The following GAB2 variants were observed in gnomAD, a reference collection of about 807,000 sequenced individuals.
The protein encoded by GAB2 is GRB2 associated binding protein 2, also known as GRB2-associated-binding protein 2.
In GAB2, 26 loss-of-function variants were observed where a neutral mutation model predicts 65.5. The observed-to-expected ratio is 0.40, with a 90% CI of 0.29 to 0.55. The LOEUF (loss-of-function observed/expected upper bound fraction) is 0.55, where lower values mean the gene tolerates loss of function less well. Ranked by LOEUF, GAB2 falls within the 20% of genes least tolerant of loss-of-function variation. The pLI is 0.53. For missense variants in GAB2, 884 were observed against 875.8 expected (o/e 1.01, Z -0.12); for synonymous variants, 321 against 329.6 (o/e 0.97, Z 0.28).
intron 1 of GAB2, among the ~76,000 whole-genome samples, chr11:78,359,869 A>C (rs1490816599): frequency 3.3e-5 from 5 of 152,196 alleles, no homozygotes; most frequent in African/African-American, 1.2e-4. Flanking sequence ...GAACCTGTGA[A>C]TATTACCTTA....
intron 1 of GAB2, among the ~76,000 whole-genome samples, chr11:78,334,594 T>C (rs1475234012): frequency 6.6e-6 from 1 of 152,238 alleles, no homozygotes; most frequent in African/African-American, 2.4e-5. Flanking sequence ...GATCTCATTC[T>C]TTTTATGGCT....
intron 1 of GAB2, among the ~76,000 whole-genome samples, chr11:78,297,425 A>T (rs1295460549): frequency 6.6e-6 from 1 of 152,178 alleles, no homozygotes; most frequent in Non-Finnish European, 1.5e-5. Context: ...GGAAAAAAGT[A>T]CAAATTCATG....
At chr11:78,226,434 CCTCT>C (rs779588383) in intron 4 of GAB2, 27 bp downstream of exon 4, 21 of 1,531,922 alleles carry the variant, frequency 1.4e-5, no homozygotes, top group Admixed American at 3.3e-5. Flanking sequence ...CCTCCTCCTC[CCTCT>C]GAGTCTCAGC....
rs558172594 is a variant in GAB2, at chr11:78,247,893, T to C, written c.620+2264A>G. Among the ~76,000 whole-genome samples, 7 of 152,332 alleles carry C rather than the reference T, an allele frequency of 4.6e-5. No individual in the cohort carries two copies. In the South Asian group the frequency reaches 1.4e-3, roughly 32 times the overall value. ...TTCTCCAAAAGTCTCCCTGAGATCC[T>C]GCTCATTACCCTCTCATTCCCTCAT... On this transcript the variant is annotated intron_variant, in intron 3 of 9. Transcript: ENST00000361507.
intron 1 of GAB2, among the ~76,000 whole-genome samples, chr11:78,401,606 T>C (rs1420650540): frequency 6.6e-6 from 1 of 151,988 alleles, no homozygotes; most frequent in Non-Finnish European, 1.5e-5. Context: ...AGCATGTCCA[T>C]GTATTAAAGT....
intron 2 of GAB2, among the ~76,000 whole-genome samples, chr11:78,266,308 G>A (rs1282506644): frequency 6.7e-6 from 1 of 150,126 alleles, no homozygotes; most frequent in Non-Finnish European, 1.5e-5. Context: ...AATAAGACGC[G>A]TCCTTACCCT....
intron 1 of GAB2, among the ~76,000 whole-genome samples, chr11:78,367,821 C>CT (rs569887849): frequency 0.034 from 3,905 of 116,050 alleles, 143 homozygotes; most frequent in African/African-American, 0.063. Flanking sequence ...TTTTCTTTTT[C>CT]TTTTTTTTTT....
At chr11:78,328,744 A>G (rs1855866727) in intron 1 of GAB2, among the ~76,000 whole-genome samples, 1 of 134,522 alleles carries the variant, frequency 7.4e-6, no homozygotes, top group South Asian at 2.6e-4. Flanking sequence ...TGGTAGAAAA[A>G]AAATCAGAAT....
chr11:78,319,228 TAA>T (rs942736627), intron 1 of GAB2, among the ~76,000 whole-genome samples: 2 of 152,182 alleles, frequency 1.3e-5, no homozygotes, highest in African/African-American at 4.8e-5. Context: ...TTAAACCAGC[TAA>T]AAGATTTTCA....
At chr11:78,401,134 A>G (rs1425997673) in intron 1 of GAB2, among the ~76,000 whole-genome samples, 3 of 152,054 alleles carry the variant, frequency 2.0e-5, no homozygotes, top group African/African-American at 7.2e-5. Context: ...AAACTGTCAT[A>G]AAATGTACAG....
At chr11:78,322,799 A>T (rs1444152417) in intron 1 of GAB2, among the ~76,000 whole-genome samples, 1 of 100,706 alleles carries the variant, frequency 9.9e-6, no homozygotes, top group South Asian at 4.3e-4. Flanking sequence ...CTGAAAAGTA[A>T]AAAAAAAAAA....
intron 1 of GAB2, among the ~76,000 whole-genome samples, chr11:78,331,050 C>A (rs138132367): frequency 6.6e-6 from 1 of 151,898 alleles, no homozygotes; most frequent in African/African-American, 2.4e-5. Flanking sequence ...TGGTGGGCAC[C>A]TGTAATCCCA....
chr11:78,337,537 G>A (rs1417916486), intron 1 of GAB2, among the ~76,000 whole-genome samples: 1 of 152,180 alleles, frequency 6.6e-6, no homozygotes, highest in Non-Finnish European at 1.5e-5. Flanking sequence ...TAGAGGCAGG[G>A]AAAAGAGAAA....
At chr11:78,386,508 A>C (rs1175581270) in intron 1 of GAB2, among the ~76,000 whole-genome samples, 1 of 152,070 alleles carries the variant, frequency 6.6e-6, no homozygotes, top group Non-Finnish European at 1.5e-5. Flanking sequence ...TCTTTTTCTG[A>C]CTTTCATTAT....
intron 1 of GAB2, among the ~76,000 whole-genome samples, chr11:78,347,653 C>T (rs1047458745): frequency 7.2e-5 from 11 of 152,230 alleles, no homozygotes; most frequent in African/African-American, 2.4e-4. Context: ...GGATTATAGA[C>T]CTAAATGTAA....
At chr11:78,413,464 A>G (rs1425569289) in intron 1 of GAB2, among the ~76,000 whole-genome samples, 2 of 152,188 alleles carry the variant, frequency 1.3e-5, no homozygotes, top group Admixed American at 6.5e-5. Context: ...GAAGAGATTA[A>G]TTAAAATGAG....
intron 1 of GAB2, among the ~76,000 whole-genome samples, chr11:78,305,630 T>G (rs1180508566): frequency 6.6e-6 from 1 of 152,206 alleles, no homozygotes; most frequent in African/African-American, 2.4e-5. Flanking sequence ...TCTTAAGAAG[T>G]GAAAAATCCC....
At chr11:78,396,624 T>G (rs1055295507) in intron 1 of GAB2, among the ~76,000 whole-genome samples, 1 of 152,236 alleles carries the variant, frequency 6.6e-6, no homozygotes, top group Non-Finnish European at 1.5e-5. Context: ...TTCTTTTTTT[T>G]GAGGCAGAGT....
At chr11:78,280,263 G>A (rs745883850) in intron 2 of GAB2, among the ~76,000 whole-genome samples, 11 of 152,228 alleles carry the variant, frequency 7.2e-5, no homozygotes, top group Non-Finnish European at 1.6e-4. Context: ...TTCCCTATGG[G>A]ATGGGTGACA....
Sources: gnomAD v4.1 joint callset for allele counts (sites outside exome capture counted in the v4.1 genomes callset) on GRCh38, gnomAD v4.1.1 for gene constraint, MANE v1.5 for transcripts, NCBI Gene and HGNC (gene_info 2026-07-23, HGNC 2026-07-21) for gene names.